SPOCK3: variants seen among roughly 807,000 people sequenced by gnomAD.
The protein encoded by SPOCK3 is testican-3.
A neutral mutation model predicts 56.6 loss-of-function variants in SPOCK3; 30 were observed. That is an observed-to-expected ratio of 0.53 (90% CI 0.40 to 0.72). SPOCK3 has a LOEUF of 0.72. Among genes scored for constraint, SPOCK3 ranks in the 30% least tolerant of loss-of-function variants. The pLI is 0.00. For synonymous variants in SPOCK3, 196 were observed against 183.3 expected, an observed-to-expected ratio of 1.07 and a Z score of -0.56; for missense variants, 527 against 530.0, an observed-to-expected ratio of 0.99 and a Z score of 0.06.
chr4:166,900,728 T>G (rs1579585900), intron 5 of SPOCK3, among the ~76,000 whole-genome samples: 1 of 152,116 alleles, frequency 6.6e-6, no homozygotes, highest in African/African-American at 2.4e-5. Flanking sequence ...TTTATAAAAC[T>G]TCCCTTGTCC....
intron 4 of SPOCK3, among the ~76,000 whole-genome samples, chr4:166,987,848 A>T (rs1045866648): frequency 6.6e-6 from 1 of 152,168 alleles, no homozygotes; most frequent in Non-Finnish European, 1.5e-5. Flanking sequence ...ATGGGAGGCA[A>T]GAAAATAAAA....
chr4:166,953,645 T>C lies in SPOCK3; in HGVS notation c.351-40902A>G, dbSNP rs372088902. On this transcript the variant is annotated intron_variant, in intron 4 of 10. Transcript: ENST00000357545. ...GAAGACACATGCACATGTATGTTTA[T>C]TGTGGCACTATTCACAATATGAAAG... Among the ~76,000 whole-genome samples the C allele has an allele frequency of 5.3e-5, 8 of 152,224 alleles. No homozygotes were observed. In the East Asian group the frequency reaches 1.5e-3, roughly 29 times the overall value.
chr4:166,914,133 C>T (rs191202763), intron 4 of SPOCK3, among the ~76,000 whole-genome samples: 17 of 151,394 alleles, frequency 1.1e-4, no homozygotes, highest in African/African-American at 3.4e-4. Context: ...CATGAAATTA[C>T]GCAACAATTA....
intron 6 of SPOCK3, among the ~76,000 whole-genome samples, chr4:166,861,447 T>A (rs1419455111): frequency 2.6e-5 from 4 of 152,154 alleles, no homozygotes; most frequent in African/African-American, 9.7e-5. Flanking sequence ...TTTATTGAAT[T>A]CCACTTCAAA....
At chr4:166,832,616 A>G (rs766366087) in intron 6 of SPOCK3, among the ~76,000 whole-genome samples, 2 of 152,184 alleles carry the variant, frequency 1.3e-5, no homozygotes, top group Non-Finnish European at 2.9e-5. Context: ...CGTATATTCA[A>G]TGCAGTACTA....
intron 2 of SPOCK3, among the ~76,000 whole-genome samples, chr4:167,104,939 A>G (rs1223456500): frequency 6.6e-6 from 1 of 152,090 alleles, no homozygotes; most frequent in African/African-American, 2.4e-5. Context: ...AGCATGACAT[A>G]CTTAAAGTGC....
At position 166,955,241 on chromosome 4, in the gene SPOCK3, A is replaced by G. The variant is rs1338116691; in HGVS notation, c.351-42498T>C. ...GGAAAATATATCAATATATTTTTAA[A>G]GAATATTGTATTGTCATAATACATA... On this transcript the variant is annotated intron_variant, in intron 4 of 10. Coordinates refer to ENST00000357545, the MANE Select transcript of SPOCK3 (RefSeq NM_001040159.2). Among the ~76,000 whole-genome samples, 4 of 151,798 alleles carry G rather than the reference A, an allele frequency of 2.6e-5. No homozygotes were observed. In the South Asian group the frequency reaches 8.3e-4, roughly 31 times the overall value.
At chr4:166,984,134 C>T (rs1561084744) in intron 4 of SPOCK3, among the ~76,000 whole-genome samples, 2 of 151,982 alleles carry the variant, frequency 1.3e-5, no homozygotes, top group Non-Finnish European at 1.5e-5. Flanking sequence ...CTCTCTTTAC[C>T]TAGAGAAGGG....
rs552217704 is a variant in SPOCK3 at position 166,988,452 on chromosome 4, T to A, written c.350+11897A>T. Among the ~76,000 whole-genome samples, 119 of 152,140 alleles carry A rather than the reference T, an allele frequency of 7.8e-4. 1 individual carries two copies. Among genetic ancestry groups the A allele is most frequent in the Non-Finnish European group, 1.3e-4 (9 of 67,938 alleles). ...CAGTAGCATTTTATAAAAAGAGATA[T>A]AAACTGATTCAGGACACAGAACAAT... On this transcript the variant is annotated intron_variant, in intron 4 of 10. Coordinates refer to ENST00000357545, the MANE Select transcript of SPOCK3 (RefSeq NM_001040159.2).
intron 3 of SPOCK3, among the ~76,000 whole-genome samples, chr4:167,055,748 G>T (rs1754751186): frequency 6.6e-6 from 1 of 152,340 alleles, no homozygotes; most frequent in Admixed American, 6.5e-5. Flanking sequence ...CGAGGCTGGG[G>T]GAGGGAGCCC....
chr4:167,216,965 T>G (rs1735424950), intron 2 of SPOCK3, among the ~76,000 whole-genome samples: 1 of 152,028 alleles, frequency 6.6e-6, no homozygotes, highest in Non-Finnish European at 1.5e-5. Context: ...AGAGAAATCC[T>G]AAAATAAATA....
intron 4 of SPOCK3, among the ~76,000 whole-genome samples, chr4:166,982,513 C>T (rs2150095316): frequency 6.6e-6 from 1 of 152,264 alleles, no homozygotes; most frequent in East Asian, 1.9e-4. Flanking sequence ...GATCGCACCA[C>T]TGCATTCCAG....
intron 8 of SPOCK3, among the ~76,000 whole-genome samples, chr4:166,746,231 T>C (rs1450859379): frequency 6.6e-6 from 1 of 152,134 alleles, no homozygotes; most frequent in Admixed American, 6.5e-5. Context: ...CACCACTTAG[T>C]TGGAAGTAAA....
At position 167,234,468 on chromosome 4, in the gene SPOCK3, T is replaced by G. The variant is rs1737528205; in HGVS notation, c.-19A>C. On this transcript the variant is annotated 5_prime_UTR_variant, in exon 1 of 11. Coordinates refer to ENST00000357545, the MANE Select transcript of SPOCK3 (RefSeq NM_001040159.2). ...ACATCACCTTGTTGTGAGCCAGCAC[T>G]GTGCTCGCAGCTCCTGCTGGAAATG... 1 of 436,892 alleles carries G rather than the reference T, an allele frequency of 2.3e-6. No individual in the cohort carries two copies. Among genetic ancestry groups the G allele is most frequent in the African/African-American group, 2.0e-5 (1 of 51,196 alleles). The allele number at this position is 436,892 out of a possible 1,614,324, so 27.1% of individuals were successfully genotyped here.
At chr4:167,233,756 G>A (rs76293906) in intron 2 of SPOCK3, among the ~76,000 whole-genome samples, 609 of 152,192 alleles carry the variant, frequency 4.0e-3, no homozygotes, top group Non-Finnish European at 6.9e-3. Flanking sequence ...GAGGAAGAGT[G>A]TGAACCTGGT....
intron 2 of SPOCK3, among the ~76,000 whole-genome samples, chr4:167,099,455 C>T (rs570771190): frequency 2.0e-5 from 3 of 151,798 alleles, no homozygotes; most frequent in African/African-American, 7.2e-5. Flanking sequence ...GCACATGTGA[C>T]AAATAACTTA....
chr4:166,737,651 G>T (rs1030728128), intron 9 of SPOCK3, 47 bp from the exon 10 acceptor site: 14 of 1,564,236 alleles, frequency 9.0e-6, no homozygotes, highest in African/African-American at 1.4e-5. Flanking sequence ...TGTAGTTTAT[G>T]AATAAGCTGT....
At chr4:167,207,320 G>A (rs1353163534) in intron 2 of SPOCK3, among the ~76,000 whole-genome samples, 3 of 151,678 alleles carry the variant, frequency 2.0e-5, no homozygotes, top group East Asian at 1.9e-4. Flanking sequence ...CCAATACTAC[G>A]ACTCTCAGAG....
intron 3 of SPOCK3, among the ~76,000 whole-genome samples, chr4:167,010,209 G>A (rs1749891306): frequency 6.6e-6 from 1 of 152,034 alleles, no homozygotes; most frequent in Non-Finnish European, 1.5e-5. Context: ...ATTGCAGTGA[G>A]GAACAAATAA....
Sources: allele counts gnomAD v4.1 joint callset (sites outside exome capture counted in the v4.1 genomes callset), GRCh38; gene constraint gnomAD v4.1.1; transcripts MANE v1.5; gene names NCBI Gene and HGNC (gene_info 2026-07-23, HGNC 2026-07-21).